DAG1: variants seen among roughly 807,000 people sequenced by gnomAD.
DAG1 encodes dystroglycan 1 (dystrophin-associated glycoprotein 1).
Under a neutral mutation model 46.1 loss-of-function variants are expected in DAG1, and 8 were observed. The ratio of observed to expected loss-of-function variants is 0.17; its 90% confidence interval spans 0.10 to 0.31. DAG1 has a LOEUF of 0.31. Among genes scored for constraint, DAG1 ranks in the 10% least tolerant of loss-of-function variants. DAG1 has a pLI of 1.00. For synonymous variants in DAG1, 495 were observed against 481.8 expected, an observed-to-expected ratio of 1.03 and a Z score of -0.36; for missense variants, 1,003 against 1,189.9, an observed-to-expected ratio of 0.84 and a Z score of 2.31.
chr3:49,508,864 T>TA (rs1399241513), intron 1 of DAG1, among the ~76,000 whole-genome samples: 6 of 152,218 alleles, frequency 3.9e-5, no homozygotes, highest in African/African-American at 9.6e-5. Context: ...GCCTCATTGT[T>TA]ACAGTTGCCA....
At chr3:49,496,735 T>G (rs2050323293) in intron 1 of DAG1, among the ~76,000 whole-genome samples, 1 of 151,828 alleles carries the variant, frequency 6.6e-6, no homozygotes, top group African/African-American at 2.4e-5. Flanking sequence ...CAAGCAGTTC[T>G]CCTGTGTCAG....
chr3:49,525,194 C>A (rs3912831), intron 2 of DAG1, among the ~76,000 whole-genome samples: 2 of 152,024 alleles, frequency 1.3e-5, no homozygotes, highest in Non-Finnish European at 2.9e-5. Flanking sequence ...ACCCATGATC[C>A]TGGAGTGACT....
At position 49,531,845 on chromosome 3, in the gene DAG1, C is replaced by G; in HGVS notation, c.1334C>G (p.Thr445Arg). 6.2e-7 allele frequency: 1 copy of G among 1,614,058 alleles called. No homozygotes were observed. The highest frequency in any genetic ancestry group is 1.1e-5 in the South Asian group (1 of 91,062). Reference protein sequence around the residue: ...ATPSTDSTTTTTRRPTKKPRT... With the variant: ...ATPSTDSTTTRTRRPTKKPRT... ...CCTTCAACTGACTCCACCACCACCA[C>G]GACTCGCAGGCCAACCAAGAAACCA... The change falls in exon 3 of 3, where the codon ACG becomes AGG. Residue 445 changes from threonine to arginine, a missense_variant. Physicochemically the swap from Thr to Arg is moderately conservative, Grantham distance 71. Transcript: ENST00000308775. The surrounding 1 kb of genome is among the most constrained non-coding windows in gnomAD (Gnocchi z 7.0).
rs778511974 is a variant in DAG1 at position 49,531,580 on chromosome 3, C to T, written c.1069C>T (p.Pro357Ser). ...TCCTCCAACAGAGACCATGGCTCCT[C>T]CAGTCAGGGATCCTGTTCCTGGGAA... ...IAPPTETMAP[P>S]VRDPVPGKPT... Residue 357 changes from proline (P) to serine (S), a missense_variant, in exon 3 of 3, where the codon CCA becomes TCA. By Grantham distance (74) the Pro-to-Ser change is moderately conservative. Around this residue, in one of 3 missense-constraint regions of DAG1, gnomAD observed 755 missense variants for 854.1 expected, o/e 0.88. Transcript: ENST00000308775. This position sits in a 1 kb window ranked among gnomAD's most constrained non-coding sequence, Gnocchi z 7.0. The T allele has an allele frequency of 6.2e-7, 1 of 1,612,576 alleles. No individual in the cohort carries two copies. Among genetic ancestry groups the T allele is most frequent in the East Asian group, 2.2e-5 (1 of 44,818 alleles).
intron 2 of DAG1, among the ~76,000 whole-genome samples, chr3:49,521,775 G>A (rs989110857): frequency 1.2e-4 from 18 of 152,172 alleles, no homozygotes; most frequent in Non-Finnish European, 2.5e-4. Flanking sequence ...AGACTGAGGA[G>A]TGACCAAAAT....
chr3:49,493,910 G>A (rs996378942), intron 1 of DAG1, among the ~76,000 whole-genome samples: 6 of 152,222 alleles, frequency 3.9e-5, no homozygotes, highest in Non-Finnish European at 7.3e-5. Flanking sequence ...CAGGGATTGC[G>A]AGAATGGAAG....
chr3:49,528,025 CG>C (rs2051230295), intron 2 of DAG1, among the ~76,000 whole-genome samples: 1 of 152,032 alleles, frequency 6.6e-6, no homozygotes, highest in Non-Finnish European at 1.5e-5. Flanking sequence ...GACCAAAAAC[CG>C]GGGTCCACAC....
chr3:49,518,927 C>A (rs975052020), intron 2 of DAG1, among the ~76,000 whole-genome samples: 1 of 152,234 alleles, frequency 6.6e-6, no homozygotes, highest in Non-Finnish European at 1.5e-5. Context: ...TTGAATCAGA[C>A]TGGATGCCTG....
intron 2 of DAG1, among the ~76,000 whole-genome samples, chr3:49,514,624 C>G (rs2050847515): frequency 1.3e-5 from 2 of 152,140 alleles, no homozygotes; most frequent in South Asian, 2.1e-4. Flanking sequence ...GCATGCGCTA[C>G]CACACCTGGC....
At chr3:49,502,700 G>A (rs2050488700) in intron 1 of DAG1, among the ~76,000 whole-genome samples, 1 of 147,202 alleles carries the variant, frequency 6.8e-6, no homozygotes, top group South Asian at 2.1e-4. Flanking sequence ...GTGCAGTGGT[G>A]CGATCTCGGC....
At chr3:49,523,530 C>T (rs1163616569) in intron 2 of DAG1, among the ~76,000 whole-genome samples, 1 of 152,190 alleles carries the variant, frequency 6.6e-6, no homozygotes, top group Admixed American at 6.5e-5. Flanking sequence ...CCAGCCTCAG[C>T]TTTGTTTCTC....
intron 1 of DAG1, among the ~76,000 whole-genome samples, chr3:49,480,295 G>A (rs1280734401): frequency 1.8e-5 from 2 of 113,470 alleles, no homozygotes; most frequent in East Asian, 2.5e-4. Flanking sequence ...TTTGGGAGAC[G>A]GACGGAGTCT....
chr3:49,503,047 A>T (rs904299540), intron 1 of DAG1, among the ~76,000 whole-genome samples: 2 of 152,106 alleles, frequency 1.3e-5, no homozygotes, highest in Non-Finnish European at 2.9e-5. Flanking sequence ...CAGTACATGG[A>T]CATTAGGATT....
rs1239515964 is a variant in DAG1 at position 49,532,944 on chromosome 3, C to T, written c.2433C>T (p.Pro811=). The change falls in exon 3 of 3, where the codon CCC becomes CCT. Residue 811 remains proline, a synonymous_variant. Transcript: ENST00000308775. The surrounding 1 kb of genome is among the most constrained non-coding windows in gnomAD (Gnocchi z 5.4). ...AACTGGACGACTCCAAGCCCCCACC[C>T]TCCTCCAGCATGCCACTCATTCTGC... ...ADELDDSKPP[P]SSSMPLILQE... The T allele has an allele frequency of 2.5e-6, 4 of 1,614,152 alleles. No individual in the cohort carries two copies. Among genetic ancestry groups the T allele is most frequent in the East Asian group, 2.2e-5 (1 of 44,876 alleles).
intron 1 of DAG1, among the ~76,000 whole-genome samples, chr3:49,472,479 C>A (rs758275089): frequency 2.7e-4 from 41 of 152,138 alleles, no homozygotes; most frequent in Middle Eastern, 3.4e-3. Flanking sequence ...AGACTGCCGT[C>A]GATGCATAGG....
intron 1 of DAG1, among the ~76,000 whole-genome samples, chr3:49,494,228 T>C (rs1054549032): frequency 2.0e-5 from 3 of 152,230 alleles, no homozygotes; most frequent in Non-Finnish European, 4.4e-5. Context: ...AAGTCACCAC[T>C]TTAAACACTG....
chr3:49,507,599 A>G (rs942378147), intron 1 of DAG1, among the ~76,000 whole-genome samples: 3 of 151,868 alleles, frequency 2.0e-5, no homozygotes, highest in African/African-American at 7.3e-5. Context: ...TTACAAATTC[A>G]ATTTCCTTAA....
intron 1 of DAG1, among the ~76,000 whole-genome samples, chr3:49,495,408 A>T (rs757481704): frequency 9.2e-5 from 14 of 152,210 alleles, no homozygotes; most frequent in Non-Finnish European, 1.6e-4. Flanking sequence ...AAAGCCTCAC[A>T]CCTAGCACAG....
chr3:49,478,543 T>TTA (rs1215357317), intron 1 of DAG1, among the ~76,000 whole-genome samples: 57 of 148,726 alleles, frequency 3.8e-4, no homozygotes, highest in Non-Finnish European at 6.4e-4. Flanking sequence ...TTTTTTTTTT[T>TTA]TTTTTTTTAA....
Sources: gnomAD v4.1 joint callset for allele counts (sites outside exome capture counted in the v4.1 genomes callset) on GRCh38, gnomAD v4.1.1 for gene constraint, gnomAD v4.1.1 regional missense constraint, Gnocchi (gnomAD v3.1) non-coding constraint, MANE v1.5 for transcripts, NCBI Gene and HGNC (gene_info 2026-07-23, HGNC 2026-07-21) for gene names.